Variants in ENOX1 observed in about 807,000 individuals in gnomAD.
ENOX1 encodes the protein candidate growth-related and time keeping constitutive hydroquinone (NADH) oxidase.
ENOX1 carries 42 observed loss-of-function variants against 82.5 expected under a neutral mutation model. That is an observed-to-expected ratio of 0.51 (90% CI 0.40 to 0.66). ENOX1 has a LOEUF of 0.66. Among genes scored for constraint, ENOX1 ranks in the 30% least tolerant of loss-of-function variants. The pLI is 0.00. For synonymous variants in ENOX1, 271 were observed against 282.2 expected (o/e 0.96, Z 0.40); for missense variants, 608 against 811.6 (o/e 0.75, Z 3.05).
intron 1 of ENOX1, among the ~76,000 whole-genome samples, chr13:43,762,037 G>A (rs769190191): frequency 6.6e-6 from 1 of 152,172 alleles, no homozygotes. Flanking sequence ...ATGTGCATGG[G>A]TGTATCTGAG....
At chr13:43,592,435 C>T (rs1293010833) in intron 2 of ENOX1, among the ~76,000 whole-genome samples, 1 of 152,060 alleles carries the variant, frequency 6.6e-6, no homozygotes, top group Non-Finnish European at 1.5e-5. Flanking sequence ...ATTTAAAATA[C>T]CATCATTGCA....
intron 1 of ENOX1, among the ~76,000 whole-genome samples, chr13:43,714,221 GT>G (rs1194231425): frequency 6.6e-6 from 1 of 152,140 alleles, no homozygotes; most frequent in African/African-American, 2.4e-5. Flanking sequence ...TAGTTGAGTG[GT>G]TTTGAGTGAG....
At chr13:43,442,302 C>T (rs916626512) in intron 3 of ENOX1, among the ~76,000 whole-genome samples, 28 of 152,158 alleles carry the variant, frequency 1.8e-4, no homozygotes, top group African/African-American at 6.3e-4. Context: ...TATTTATGCA[C>T]GGCAGAACCT....
intron 3 of ENOX1, among the ~76,000 whole-genome samples, chr13:43,470,693 A>G (rs2058031721): frequency 6.6e-6 from 1 of 151,926 alleles, no homozygotes; most frequent in African/African-American, 2.4e-5. Context: ...AAATAATCCA[A>G]TTTAAAAATG....
chr13:43,508,273 G>T (rs1190919860), intron 2 of ENOX1, among the ~76,000 whole-genome samples: 1 of 151,908 alleles, frequency 6.6e-6, no homozygotes, highest in Non-Finnish European at 1.5e-5. Flanking sequence ...GTGAGGATAT[G>T]GCATTTTCTT....
At chr13:43,267,441 C>A (rs1169705001) in intron 13 of ENOX1, among the ~76,000 whole-genome samples, 4 of 152,210 alleles carry the variant, frequency 2.6e-5, no homozygotes, top group African/African-American at 7.2e-5. Flanking sequence ...AAAGGTCTGC[C>A]CTCAGGACCT....
intron 5 of ENOX1, among the ~76,000 whole-genome samples, chr13:43,383,710 A>G (rs1385190151): frequency 1.3e-5 from 2 of 152,226 alleles, no homozygotes; most frequent in Admixed American, 6.5e-5. Flanking sequence ...GATTCTCAGC[A>G]GAACGAGCAA....
intron 2 of ENOX1, among the ~76,000 whole-genome samples, chr13:43,527,500 T>A (rs537436794): frequency 2.0e-5 from 3 of 152,272 alleles, no homozygotes; most frequent in South Asian, 2.1e-4. Context: ...CTTGATTTTT[T>A]AAAAAATATA....
intron 11 of ENOX1, among the ~76,000 whole-genome samples, chr13:43,305,329 A>C (rs1246473695): frequency 6.6e-6 from 1 of 152,190 alleles, no homozygotes; most frequent in Admixed American, 6.5e-5. Context: ...CAGGATTATT[A>C]TTATTACAAC....
intron 1 of ENOX1, among the ~76,000 whole-genome samples, chr13:43,686,693 T>C: frequency 6.6e-6 from 1 of 152,188 alleles, no homozygotes; most frequent in Non-Finnish European, 1.5e-5. Flanking sequence ...TTTCAAGTAG[T>C]CAACACACAG....
At chr13:43,220,207 G>A (rs142307838) in intron 16 of ENOX1, among the ~76,000 whole-genome samples, 1 of 152,164 alleles carries the variant, frequency 6.6e-6, no homozygotes, top group East Asian at 1.9e-4. Context: ...AGGTAAACAG[G>A]AGAGAATTAA....
intron 3 of ENOX1, among the ~76,000 whole-genome samples, chr13:43,444,085 T>C (rs2056500750): frequency 6.6e-6 from 1 of 152,168 alleles, no homozygotes. Context: ...GAATTAGCAC[T>C]GTAGGCCTGT....
At position 43,392,734 on chromosome 13, in the gene ENOX1, T is replaced by G. The variant is rs187547845; in HGVS notation, c.208+19182A>C. On this transcript the variant is annotated intron_variant, in intron 5 of 16. Transcript: ENST00000690772. ...TAATTCAAACACCCATTTTTTTTCT[T>G]GAGAATAAAATTTTAGTTTCAATAT... Among the ~76,000 whole-genome samples, 759 of 152,308 alleles carry G rather than the reference T, an allele frequency of 5.0e-3. 5 individuals are homozygous for G. Among genetic ancestry groups the G allele is most frequent in the Non-Finnish European group, 9.1e-3 (619 of 68,028 alleles).
At chr13:43,482,080 G>C (rs1053256960) in intron 3 of ENOX1, among the ~76,000 whole-genome samples, 2 of 152,130 alleles carry the variant, frequency 1.3e-5, no homozygotes, top group African/African-American at 4.8e-5. Flanking sequence ...TGTGCAGTAT[G>C]AAGATTCCTC....
chr13:43,268,809 G>C (rs1328228228), intron 13 of ENOX1, among the ~76,000 whole-genome samples: 1 of 152,176 alleles, frequency 6.6e-6, no homozygotes, highest in East Asian at 1.9e-4. Flanking sequence ...GCCAGAAATA[G>C]GAAGGCATTT....
At chr13:43,220,850 G>C (rs188832997) in intron 16 of ENOX1, among the ~76,000 whole-genome samples, 3 of 152,258 alleles carry the variant, frequency 2.0e-5, no homozygotes, top group Admixed American at 1.3e-4. Flanking sequence ...GGATCATTCA[G>C]GTGGGCAATC....
intron 8 of ENOX1, among the ~76,000 whole-genome samples, chr13:43,348,656 G>A (rs1490257738): frequency 1.3e-5 from 2 of 152,216 alleles, no homozygotes; most frequent in South Asian, 2.1e-4. Context: ...GGGTATCCAC[G>A]TTGTCTACAC....
chr13:43,351,725 T>C (rs571312342), intron 8 of ENOX1, among the ~76,000 whole-genome samples: 29 of 151,026 alleles, frequency 1.9e-4, no homozygotes, highest in African/African-American at 6.8e-4. Flanking sequence ...TGATTTCCAA[T>C]TTCATCCATG....
chr13:43,457,823 A>G (rs369915863), intron 3 of ENOX1, among the ~76,000 whole-genome samples: 2 of 152,228 alleles, frequency 1.3e-5, no homozygotes, highest in South Asian at 2.1e-4. Flanking sequence ...CCTATCACAT[A>G]ATGATTTTTC....
Sources: allele counts gnomAD v4.1 joint callset (sites outside exome capture counted in the v4.1 genomes callset), GRCh38; gene constraint gnomAD v4.1.1; transcripts MANE v1.5; gene names NCBI Gene and HGNC (gene_info 2026-07-23, HGNC 2026-07-21).